Variants in KIAA0319L observed in about 807,000 individuals in gnomAD.
The protein encoded by KIAA0319L is dyslexia-associated protein KIAA0319-like protein.
A neutral mutation model predicts 120.1 loss-of-function variants in KIAA0319L; 55 were observed. The observed-to-expected ratio is 0.46, with a 90% confidence interval of 0.37 to 0.57. The LOEUF is 0.57. Among genes scored for constraint, KIAA0319L ranks in the 20% least tolerant of loss-of-function variants. KIAA0319L has a pLI of 0.00. For synonymous variants in KIAA0319L, 398 were observed against 471.9 expected (o/e 0.84, Z 2.03); for missense variants, 1,049 against 1,255.3 (o/e 0.84, Z 2.48).
At chr1:35,456,878 AGGAGGGAG>A (rs571352266) in intron 9 of KIAA0319L, among the ~76,000 whole-genome samples, 7 of 114,990 alleles carry the variant, frequency 6.1e-5, no homozygotes, top group East Asian at 3.1e-4. Flanking sequence ...GAGGGAAGGA[AGGAGGGAG>A]GGAGGGAGGG....
At chr1:35,457,875 A>T (rs1360900641) in intron 9 of KIAA0319L, among the ~76,000 whole-genome samples, 1 of 152,158 alleles carries the variant, frequency 6.6e-6, no homozygotes, top group African/African-American at 2.4e-5. Context: ...AAAAACAAAA[A>T]TTTACAGAAG....
chr1:35,512,671 C>A, intron 2 of KIAA0319L, among the ~76,000 whole-genome samples: 1 of 151,914 alleles, frequency 6.6e-6, no homozygotes, highest in East Asian at 1.9e-4. Flanking sequence ...GAGTTCAAGA[C>A]CAGCCTGGCC....
At chr1:35,502,021 GT>G (rs1404003016) in intron 3 of KIAA0319L, among the ~76,000 whole-genome samples, 1 of 152,074 alleles carries the variant, frequency 6.6e-6, no homozygotes, top group African/African-American at 2.4e-5. Context: ...ACTCATGCCT[GT>G]AGTCCCAGCA....
chr1:35,551,386 T>C (rs1647192435), intron 2 of KIAA0319L, among the ~76,000 whole-genome samples: 1 of 152,128 alleles, frequency 6.6e-6, no homozygotes, highest in African/African-American at 2.4e-5. Flanking sequence ...GGTGCGGTCT[T>C]GATTCACTGC....
In KIAA0319L at chr1:35,466,705, T is replaced by A; in HGVS notation, c.1114-10A>T. On this transcript the variant is annotated splice_polypyrimidine_tract_variant and intron_variant, in intron 6 of 20. Coordinates refer to ENST00000325722, the MANE Select transcript of KIAA0319L (RefSeq NM_024874.5). ...ACAGGCCTGGAGTGAGCTGCAGAAG[T>A]GAGAGAAGATCTCTTAGACAATCAC... 1 of 1,571,132 alleles carries A rather than the reference T, an allele frequency of 6.4e-7. No individual in the cohort carries two copies. The highest frequency in any genetic ancestry group is 8.8e-7 in the Non-Finnish European group (1 of 1,141,128).
At chr1:35,528,120 A>G (rs1185041892) in intron 2 of KIAA0319L, among the ~76,000 whole-genome samples, 2 of 152,104 alleles carry the variant, frequency 1.3e-5, no homozygotes, top group African/African-American at 4.8e-5. Context: ...ACAGGGTCTA[A>G]CTCTGTCACC....
At chr1:35,545,133 C>T (rs535552384) in intron 2 of KIAA0319L, among the ~76,000 whole-genome samples, 1 of 152,078 alleles carries the variant, frequency 6.6e-6, no homozygotes, top group Non-Finnish European at 1.5e-5. Flanking sequence ...CAAAGGCATG[C>T]GGCAAGACCA....
intron 3 of KIAA0319L, among the ~76,000 whole-genome samples, chr1:35,482,841 C>T (rs191752836): frequency 4.7e-4 from 72 of 152,276 alleles, no homozygotes; most frequent in African/African-American, 1.7e-3. Flanking sequence ...AAACCATTTT[C>T]TGAAGTTGTT....
rs769064246 is a variant in KIAA0319L, at chr1:35,434,941, C to T, written c.3103G>A (p.Gly1035Arg). The T allele has an allele frequency of 8.1e-6, 13 of 1,613,726 alleles. No individual in the cohort carries two copies. In the Admixed American group the frequency reaches 8.3e-5, roughly 10 times the overall value. Residue 1035 changes from glycine (G) to arginine (R), a missense_variant, in exon 21 of 21, where the codon GGG (glycine) becomes AGG (arginine). By Grantham distance (125) the Gly-to-Arg change is moderately radical. Transcript: ENST00000325722. Reference protein sequence around the residue: ...LHGQNGSVPNGQTPLKARSPR... With the variant: ...LHGQNGSVPNRQTPLKARSPR... ...CTCCTGGCCTTCAGAGGGGTCTGCCCGTTGGGTACAGAGCCATTCTGACCA... is the reference window on the plus strand; with the variant it reads ...CTCCTGGCCTTCAGAGGGGTCTGCCTGTTGGGTACAGAGCCATTCTGACCA...
chr1:35,474,351 C>A (rs903808022), intron 5 of KIAA0319L, among the ~76,000 whole-genome samples: 5 of 152,062 alleles, frequency 3.3e-5, no homozygotes, highest in Non-Finnish European at 7.4e-5. Context: ...TAATTCCTAC[C>A]TCATAAGATT....
rs143411240 is a variant in KIAA0319L at position 35,462,644 on chromosome 1, G to T, written c.1271C>A (p.Thr424Asn). 1.2e-6 allele frequency: 2 copies of T among 1,613,394 alleles called. No homozygotes were observed. Among genetic ancestry groups the T allele is most frequent in the Non-Finnish European group, 1.7e-6 (2 of 1,179,396 alleles). Reference sequence around the variant, plus strand: ...ACGACTGCCATCAATGACTGTAGAAGTGGTTGGCAAAGAGATCTCCTGGAA... The same window carrying T: ...ACGACTGCCATCAATGACTGTAGAATTGGTTGGCAAAGAGATCTCCTGGAA... ...PQFQEISLPT[T>N]STVIDGSQST... is the part of the protein sequence containing the mutation. Residue 424 changes from threonine (T) to asparagine (N), a missense_variant, in exon 8 of 21, where the codon ACT becomes AAT. Transcript: ENST00000325722.
intron 17 of KIAA0319L, 32 bp from the exon 18 acceptor site, chr1:35,443,060 C>G (rs748257786): frequency 1.9e-5 from 30 of 1,613,594 alleles, no homozygotes; most frequent in Non-Finnish European, 2.5e-5. Context: ...AGAAAGTCAA[C>G]AAGACTCAGC....
chr1:35,513,288 ATTTTTTT>A lies in KIAA0319L; in HGVS notation c.143-6160_143-6154del, dbSNP rs67198806. 4.6e-3 allele frequency among the ~76,000 whole-genome samples: 396 copies of A among 85,298 alleles called. 3 individuals carry two copies. The highest frequency in any genetic ancestry group is 0.011 in the African/African-American group (268 of 23,488). 56.0% of individuals were successfully genotyped at this position (85,298 alleles called of 152,430 possible). ...ATAACATATATATATATATATATAT[ATTTTTTT>A]TTTTTTTTTTTTCTGTCCAGTATAA... On this transcript the variant is annotated intron_variant, in intron 2 of 20. Coordinates refer to ENST00000325722, the MANE Select transcript of KIAA0319L (RefSeq NM_024874.5).
intron 2 of KIAA0319L, among the ~76,000 whole-genome samples, chr1:35,521,328 G>A (rs1299060068): frequency 6.6e-6 from 1 of 151,474 alleles, no homozygotes; most frequent in Non-Finnish European, 1.5e-5. Context: ...GAGAGAGCAA[G>A]ACTCAGTCTC....
At chr1:35,551,176 T>C (rs1647184312) in intron 2 of KIAA0319L, among the ~76,000 whole-genome samples, 1 of 152,202 alleles carries the variant, frequency 6.6e-6, no homozygotes, top group Admixed American at 6.5e-5. Context: ...CTGGATAGTT[T>C]TACTTTAATT....
chr1:35,453,637 A>G lies in KIAA0319L; in HGVS notation c.1833T>C (p.Leu611=). 3 of 1,614,036 alleles carry G rather than the reference A, an allele frequency of 1.9e-6. No individual in the cohort carries two copies. Among genetic ancestry groups the G allele is most frequent in the Non-Finnish European group, 2.5e-6 (3 of 1,179,910 alleles). The part of the protein sequence containing the change: ...ADAGPDKELT[L]PVDSTTLDGS... Reference sequence around the variant, plus strand: ...CATCCAGGGTTGTGCTATCCACAGGAAGGGTCAGCTCTTTATCTGGGCCTG... The same window carrying G: ...CATCCAGGGTTGTGCTATCCACAGGGAGGGTCAGCTCTTTATCTGGGCCTG... Residue 611 remains leucine, a synonymous_variant, in exon 12 of 21, where the codon CTT becomes CTC. Coordinates refer to ENST00000325722, the MANE Select transcript of KIAA0319L (RefSeq NM_024874.5). This position sits in a 1 kb window ranked among gnomAD's most constrained non-coding sequence, Gnocchi z 4.1.
At chr1:35,463,590 G>C (rs937736454) in intron 7 of KIAA0319L, among the ~76,000 whole-genome samples, 4 of 152,192 alleles carry the variant, frequency 2.6e-5, no homozygotes, top group African/African-American at 9.7e-5. Context: ...CATTTTCTTT[G>C]CAAAATGATC....
At chr1:35,495,209 C>T (rs1339938273) in intron 3 of KIAA0319L, among the ~76,000 whole-genome samples, 3 of 151,948 alleles carry the variant, frequency 2.0e-5, no homozygotes, top group East Asian at 3.9e-4. Flanking sequence ...CCCATCTCTA[C>T]TAAAAATACA....
At position 35,479,035 on chromosome 1, in the gene KIAA0319L, C is replaced by G. The variant is rs1644029892; in HGVS notation, c.844G>C (p.Ala282Pro). The stretch of plus-strand genomic sequence containing the variant: ...GGGGTAGCATAACTGTAGGAGGGAG[C>G]CACTGGCTGGGGGACAGCAATCTGG... Reference protein sequence around the residue: ...KTQIAVPQPVAPSYSYATPTP... With the variant: ...KTQIAVPQPVPPSYSYATPTP... The change falls in exon 4 of 21, where the codon GCT becomes CCT. Residue 282 changes from alanine (A) to proline (P), a missense_variant. Physicochemically the swap from Ala to Pro is conservative, Grantham distance 27. Coordinates refer to ENST00000325722, the MANE Select transcript of KIAA0319L (RefSeq NM_024874.5). The G allele has an allele frequency of 6.2e-7, 1 of 1,613,934 alleles. No homozygotes were observed. Among genetic ancestry groups the G allele is most frequent in the South Asian group, 1.1e-5 (1 of 91,084 alleles).
Sources: gnomAD v4.1 joint callset for allele counts (sites outside exome capture counted in the v4.1 genomes callset) on GRCh38, gnomAD v4.1.1 for gene constraint, Gnocchi (gnomAD v3.1) non-coding constraint, MANE v1.5 for transcripts, NCBI Gene and HGNC (gene_info 2026-07-23, HGNC 2026-07-21) for gene names.